DNAJC25: variants seen among roughly 807,000 people sequenced by gnomAD.
DNAJC25 encodes DnaJ heat shock protein family (Hsp40) member C25.
In DNAJC25, 26 loss-of-function variants were observed where a neutral mutation model predicts 42.1. The observed-to-expected ratio is 0.62, with a 90% CI of 0.45 to 0.86. DNAJC25 has a LOEUF of 0.86. DNAJC25 is among the 40% of genes least tolerant of loss of function. The probability of loss-of-function intolerance (pLI) is 0.00; values close to 1 mark genes in which losing one functional copy is unlikely to be tolerated. For synonymous variants in DNAJC25, 189 were observed against 179.9 expected, an observed-to-expected ratio of 1.05 and a Z score of -0.40; for missense variants, 404 against 459.4, an observed-to-expected ratio of 0.88 and a Z score of 1.10.
chr9:111,640,804 G>T (rs1185920452), intron 1 of DNAJC25, among the ~76,000 whole-genome samples: 1 of 123,620 alleles, frequency 8.1e-6, no homozygotes, highest in Non-Finnish European at 1.7e-5. Context: ...GAGCGTCTCC[G>T]CCCGGCAGCC....
intron 1 of DNAJC25, among the ~76,000 whole-genome samples, chr9:111,641,598 G>A (rs1830468020): frequency 6.9e-5 from 9 of 130,454 alleles, no homozygotes; most frequent in African/African-American, 2.9e-4. Flanking sequence ...CCCCCCGCCC[G>A]GCCAGCCGCC....
intron 1 of DNAJC25, among the ~76,000 whole-genome samples, chr9:111,638,843 A>C (rs968468740): frequency 9.2e-5 from 14 of 151,754 alleles, no homozygotes; most frequent in African/African-American, 3.4e-4. Context: ...TGAATAGCAC[A>C]GTTGATAACA....
At chr9:111,638,978 A>T (rs1830403876) in intron 1 of DNAJC25, among the ~76,000 whole-genome samples, 1 of 151,984 alleles carries the variant, frequency 6.6e-6, no homozygotes, top group Non-Finnish European at 1.5e-5. Context: ...TGAATCCATG[A>T]TATTTTTTGA....
intron 1 of DNAJC25, among the ~76,000 whole-genome samples, chr9:111,638,644 T>G (rs1830399951): frequency 6.6e-6 from 1 of 152,196 alleles, no homozygotes; most frequent in Non-Finnish European, 1.5e-5. Flanking sequence ...TTAAAAACTT[T>G]GGTATCATGT....
rs535422079 is a variant in DNAJC25 at position 111,649,443 on chromosome 9, A to C, written c.490-10A>C. The C allele has an allele frequency of 3.8e-6, 6 of 1,560,528 alleles. No individual in the cohort carries two copies. The highest frequency in any genetic ancestry group is 5.2e-6 in the Non-Finnish European group (6 of 1,159,508). ...GAAAATGACTCATTGTTCTCTGTTAATTATTCTAGTTTTTCAGCTGGTGGA... is the reference window on the plus strand; with the variant it reads ...GAAAATGACTCATTGTTCTCTGTTACTTATTCTAGTTTTTCAGCTGGTGGA... On this transcript the variant is annotated splice_polypyrimidine_tract_variant and intron_variant, in intron 2 of 3. Coordinates refer to ENST00000313525, the MANE Select transcript of DNAJC25 (RefSeq NM_001015882.3).
chr9:111,639,973 C>T (rs1401091048), intron 1 of DNAJC25, among the ~76,000 whole-genome samples: 2 of 146,348 alleles, frequency 1.4e-5, no homozygotes, highest in South Asian at 4.5e-4. Flanking sequence ...CCCATGGTCT[C>T]CCTCTCATGC....
intron 1 of DNAJC25, among the ~76,000 whole-genome samples, chr9:111,640,900 C>A (rs1187033275): frequency 9.6e-6 from 1 of 103,648 alleles, no homozygotes; most frequent in Non-Finnish European, 1.8e-5. Context: ...GTCAGCCCCC[C>A]CGCCCGGCCA....
rs1830711499 is a variant in DNAJC25 at position 111,654,225 on chromosome 9, A to G, written c.*1003A>G. The G allele has an allele frequency of 6.6e-6, 1 of 152,246 alleles. No individual in the cohort carries two copies. The highest frequency in any genetic ancestry group is 2.4e-5 in the African/African-American group (1 of 41,476). The allele number at this position is 152,246 out of a possible 1,614,324, so 9.4% of individuals were successfully genotyped here. ...TGGCAGTGCAAGTAAATAACACATT[A>G]TTTGACTGAATCAGGCATGATACTG... On this transcript the variant is annotated 3_prime_UTR_variant, in exon 4 of 4. Transcript: ENST00000313525.
chr9:111,649,858 AG>A lies in DNAJC25; in HGVS notation c.896del (p.Ser299IlefsTer2). On this transcript the variant is annotated frameshift_variant, in exon 3 of 4. Transcript: ENST00000313525. LOFTEE classifies it high-confidence loss of function. ...GAAGATGTCAAAGTCTCAATTTGAT[AG>A]TCTAGAAGATCATCAGAAAGAAACT... is the stretch of plus-strand genomic sequence containing the variant. ...SMKMSKSQFD[S>X]LEDHQKETFL... 6.2e-7 allele frequency: 1 copy of A among 1,604,678 alleles called. No individual in the cohort carries two copies. Among genetic ancestry groups the A allele is most frequent in the Non-Finnish European group, 8.5e-7 (1 of 1,177,858 alleles).
chr9:111,649,570 G>C lies in DNAJC25; in HGVS notation c.607G>C (p.Glu203Gln), dbSNP rs764455550. Reference sequence around the variant, plus strand: ...GCAGGGACTGCTCAAAAAAGCCAAAGAAAAAGGCAAAAACAAAAAGTCCAA... The same window carrying C: ...GCAGGGACTGCTCAAAAAAGCCAAACAAAAAGGCAAAAACAAAAAGTCCAA... The part of the protein sequence containing the change: ...KQQGLLKKAK[E>Q]KGKNKKSKEE... The change falls in exon 3 of 4, where the codon GAA becomes CAA. Residue 203 changes from glutamate (E) to glutamine (Q), a missense_variant. Glu to Gln is a conservative substitution (Grantham distance 29). Coordinates refer to ENST00000313525, the MANE Select transcript of DNAJC25 (RefSeq NM_001015882.3). The C allele has an allele frequency of 1.9e-6, 3 of 1,613,996 alleles. No individual in the cohort carries two copies. Among genetic ancestry groups the C allele is most frequent in the Non-Finnish European group, 2.5e-6 (3 of 1,179,954 alleles).
intron 3 of DNAJC25, among the ~76,000 whole-genome samples, chr9:111,651,936 CTTTAA>C (rs945585390): frequency 2.0e-5 from 3 of 151,082 alleles, no homozygotes; most frequent in Admixed American, 6.6e-5. Flanking sequence ...TCTTTGGAAA[CTTTAA>C]TTTAAAAAAA....
intron 1 of DNAJC25, chr9:111,642,820 T>C (rs1189839521): frequency 2.1e-6 from 1 of 470,604 alleles, no homozygotes; most frequent in Non-Finnish European, 4.4e-6. Flanking sequence ...GGGTTTCCTC[T>C]TGTTCACTTT....
At position 111,631,384 on chromosome 9, in the gene DNAJC25, G is replaced by A. The variant is rs1830270558; in HGVS notation, c.-24G>A. 1.6e-6 allele frequency: 2 copies of A among 1,273,454 alleles called. No individual in the cohort carries two copies. The highest frequency in any genetic ancestry group is 3.0e-5 in the South Asian group (1 of 33,852). 78.9% of individuals were successfully genotyped at this position (1,273,454 alleles called of 1,614,324 possible). A position where few individuals can be genotyped will look rare whatever the true frequency, so the allele number is the denominator to read the frequency against. On this transcript the variant is annotated 5_prime_UTR_variant, in exon 1 of 4. Coordinates refer to ENST00000313525, the MANE Select transcript of DNAJC25 (RefSeq NM_001015882.3). ...TGAGTGCTGCAGAATCGCTGGGGTGGCAGAGCCGCCAGCGAGGCTGGGGAT... is the reference window on the plus strand; with the variant it reads ...TGAGTGCTGCAGAATCGCTGGGGTGACAGAGCCGCCAGCGAGGCTGGGGAT...
intron 1 of DNAJC25, among the ~76,000 whole-genome samples, chr9:111,641,795 G>A (rs1410465490): frequency 5.4e-5 from 7 of 129,286 alleles, no homozygotes; most frequent in Admixed American, 1.5e-4. Flanking sequence ...CGCCCCGTCC[G>A]GGAGGGAGGT....
chr9:111,640,387 A>G (rs1445969603), intron 1 of DNAJC25, among the ~76,000 whole-genome samples: 89 of 123,384 alleles, frequency 7.2e-4, no homozygotes, highest in African/African-American at 2.6e-3. Context: ...CTGGCCGCCC[A>G]TCGTCTGGGA....
In DNAJC25 at chr9:111,649,789, G is replaced by T; in HGVS notation, c.826G>T (p.Glu276Ter). The change falls in exon 3 of 4, where the codon GAA (glutamate) becomes TAA (stop). Residue 276 changes from glutamate (E) to a stop codon, truncating the protein, a stop_gained. Transcript: ENST00000313525. LOFTEE classifies it high-confidence loss of function. ...WIYNFNIKGK[E>*]YGEEERLYII... ...CTATAATTTTAACATCAAAGGCAAA[G>T]AATATGGAGAGGAAGAGAGATTATA... 1 of 1,613,908 alleles carries T rather than the reference G, an allele frequency of 6.2e-7. No homozygotes were observed. Among genetic ancestry groups the T allele is most frequent in the South Asian group, 1.1e-5 (1 of 91,038 alleles).
chr9:111,643,986 A>G (rs1238601650), intron 1 of DNAJC25, among the ~76,000 whole-genome samples: 2 of 152,220 alleles, frequency 1.3e-5, no homozygotes, highest in South Asian at 2.1e-4. Flanking sequence ...TCTTGATTCT[A>G]AAGTATATGC....
chr9:111,653,124 G>A lies in DNAJC25; in HGVS notation c.985G>A (p.Glu329Lys), dbSNP rs1443326493. 6.9e-6 allele frequency: 11 copies of A among 1,602,276 alleles called. No individual in the cohort carries two copies. The highest frequency in any genetic ancestry group is 9.4e-6 in the Non-Finnish European group (11 of 1,173,186). Residue 329 changes from glutamate to lysine, a missense_variant, in exon 4 of 4, where the codon GAA becomes AAA. Physicochemically the swap from Glu to Lys is moderately conservative, Grantham distance 56. Coordinates refer to ENST00000313525, the MANE Select transcript of DNAJC25 (RefSeq NM_001015882.3). ...YEVYKQEQEE[E>K]LKKKLANDPR... ...GGTCTACAAGCAAGAACAAGAGGAA[G>A]AATTAAAGAAAAAGTTGGCAAATGA...
At position 111,631,536 on chromosome 9, in the gene DNAJC25, C is replaced by T. The variant is rs774119007; in HGVS notation, c.129C>T (p.Leu43=). The change falls in exon 1 of 4, where the codon CTC becomes CTT. Residue 43 remains leucine, a synonymous_variant. Transcript: ENST00000313525. ...VRPAGALVEG[L]YCGTRDCYEV... ...CCGCGGGGGCCCTGGTGGAGGGGCT[C>T]TACTGCGGCACGCGGGACTGCTACG... 48 of 1,375,744 alleles carry T rather than the reference C, an allele frequency of 3.5e-5. No individual in the cohort carries two copies. Among genetic ancestry groups the T allele is most frequent in the African/African-American group, 4.6e-5 (3 of 65,548 alleles). 85.2% of individuals were successfully genotyped at this position (1,375,744 alleles called of 1,614,324 possible). A position where few individuals can be genotyped will look rare whatever the true frequency, so the allele number is the denominator to read the frequency against.
Sources: allele counts gnomAD v4.1 joint callset (sites outside exome capture counted in the v4.1 genomes callset), GRCh38; gene constraint gnomAD v4.1.1; transcripts MANE v1.5; gene names NCBI Gene and HGNC (gene_info 2026-07-23, HGNC 2026-07-21).